The following ITGB6 variants were observed in gnomAD, a reference collection of about 807,000 sequenced individuals.
ITGB6 encodes integrin beta-6.
In ITGB6, 80 loss-of-function variants were observed where a neutral mutation model predicts 84.5. The observed-to-expected ratio is 0.95, with a 90% CI of 0.79 to 1.14. The LOEUF (loss-of-function observed/expected upper bound fraction) is 1.14. Among genes scored for constraint, ITGB6 ranks in the 50% most tolerant of loss-of-function variants. The probability of loss-of-function intolerance (pLI) is 0.00; values close to 1 mark genes in which losing one functional copy is unlikely to be tolerated. For synonymous variants in ITGB6, 383 were observed against 354.9 expected (o/e 1.08, Z -0.89); for missense variants, 1,006 against 968.0 (o/e 1.04, Z -0.52).
Position 160,172,690 on chromosome 2 carries a change from A to G in ITGB6, c.800T>C (p.Val267Ala). The change falls in exon 6 of 15, where the codon GTC (valine) becomes GCC (alanine). Residue 267 changes from valine (V) to alanine (A), a missense_variant. Transcript: ENST00000283249. Reference protein sequence around the residue: ...GWRNDSLHLLVFVSDADSHFG... With the variant: ...GWRNDSLHLLAFVSDADSHFG... ...ATGAGAATCAGCATCACTCACAAAGACCAGGAGGTGGAGGGAGTCATTCCG... is the reference window on the plus strand; with the variant it reads ...ATGAGAATCAGCATCACTCACAAAGGCCAGGAGGTGGAGGGAGTCATTCCG... The G allele has an allele frequency of 6.2e-7, 1 of 1,606,596 alleles. No homozygotes were observed. The highest frequency in any genetic ancestry group is 8.5e-7 in the Non-Finnish European group (1 of 1,173,596).
At chr2:160,154,922 G>A (rs1021066712) in intron 7 of ITGB6, among the ~76,000 whole-genome samples, 4 of 152,308 alleles carry the variant, frequency 2.6e-5, no homozygotes, top group Admixed American at 2.0e-4. Context: ...TGGAGAAGGG[G>A]CCTGGTTGGA....
chr2:160,154,319 A>G (rs546145526), intron 7 of ITGB6, among the ~76,000 whole-genome samples: 1 of 152,294 alleles, frequency 6.6e-6, no homozygotes, highest in East Asian at 1.9e-4. Context: ...CATTCTCAGC[A>G]AACTATCACA....
At chr2:160,133,379 C>T (rs1381116103) in intron 10 of ITGB6, among the ~76,000 whole-genome samples, 1 of 152,076 alleles carries the variant, frequency 6.6e-6, no homozygotes, top group Non-Finnish European at 1.5e-5. Context: ...TTTATACGCA[C>T]CCAGTACAGG....
chr2:160,109,828 TGA>T (rs1559084626), intron 13 of ITGB6, among the ~76,000 whole-genome samples: 2 of 152,204 alleles, frequency 1.3e-5, no homozygotes, highest in Non-Finnish European at 2.9e-5. Flanking sequence ...ATGTGCATAT[TGA>T]GTGCTTGAAA....
chr2:160,149,453 A>G (rs181578613), intron 7 of ITGB6, among the ~76,000 whole-genome samples: 18 of 152,370 alleles, frequency 1.2e-4, no homozygotes, highest in Non-Finnish European at 2.1e-4. Context: ...TCTGTAGGAC[A>G]CCAACATCAA....
intron 4 of ITGB6, among the ~76,000 whole-genome samples, chr2:160,186,981 G>T (rs888439187): frequency 4.6e-5 from 7 of 152,104 alleles, no homozygotes; most frequent in Admixed American, 2.0e-4. Context: ...GGGAGGCTAG[G>T]GGGAGGGATA....
chr2:160,102,355 T>A (rs1206603919), intron 14 of ITGB6, among the ~76,000 whole-genome samples: 1 of 152,144 alleles, frequency 6.6e-6, no homozygotes, highest in Non-Finnish European at 1.5e-5. Context: ...TAAGATGAAA[T>A]CAAAACTCAG....
chr2:160,140,627 T>G (rs1379574951), intron 8 of ITGB6, among the ~76,000 whole-genome samples: 1 of 152,180 alleles, frequency 6.6e-6, no homozygotes, highest in African/African-American at 2.4e-5. Context: ...GGAGGAAGGT[T>G]TTTATAGCGT....
At chr2:160,139,103 A>C (rs1408894469) in intron 8 of ITGB6, among the ~76,000 whole-genome samples, 1 of 152,190 alleles carries the variant, frequency 6.6e-6, no homozygotes, top group African/African-American at 2.4e-5. Flanking sequence ...TTCTTTCCTC[A>C]AGAAGTTTAT....
intron 13 of ITGB6, 96 bp downstream of exon 13, chr2:160,111,984 T>G: frequency 1.6e-6 from 2 of 1,268,616 alleles, no homozygotes; most frequent in Non-Finnish European, 2.2e-6. Flanking sequence ...TTTGGAAATG[T>G]CTTTCCTGGC....
chr2:160,124,252 G>A (rs541189317), intron 11 of ITGB6, among the ~76,000 whole-genome samples: 1 of 152,174 alleles, frequency 6.6e-6, no homozygotes, highest in African/African-American at 2.4e-5. Context: ...AATATGATTA[G>A]AGACTGGGAG....
chr2:160,113,931 C>G (rs1037571563), intron 12 of ITGB6, among the ~76,000 whole-genome samples: 1 of 152,096 alleles, frequency 6.6e-6, no homozygotes, highest in Non-Finnish European at 1.5e-5. Flanking sequence ...TGTTTTCTTG[C>G]TTCTTTCCCC....
intron 10 of ITGB6, among the ~76,000 whole-genome samples, chr2:160,136,744 A>C (rs375216773): frequency 2.6e-5 from 4 of 152,162 alleles, no homozygotes; most frequent in African/African-American, 7.2e-5. Flanking sequence ...AGTTCATGTC[A>C]TTTGTAGGGA....
intron 10 of ITGB6, among the ~76,000 whole-genome samples, chr2:160,132,986 G>A (rs983478337): frequency 1.3e-5 from 2 of 152,024 alleles, no homozygotes; most frequent in Non-Finnish European, 2.9e-5. Flanking sequence ...AAATATTTGT[G>A]GAATGAGTGA....
intron 12 of ITGB6, among the ~76,000 whole-genome samples, chr2:160,121,644 T>C (rs939769000): frequency 6.6e-6 from 1 of 151,680 alleles, no homozygotes; most frequent in East Asian, 1.9e-4. Context: ...AATTACACTG[T>C]GTAGGGTGGC....
rs1010824321 is a variant in ITGB6, at chr2:160,127,327, C to T, written c.1661-726G>A. Among the ~76,000 whole-genome samples the T allele has an allele frequency of 5.3e-5, 8 of 152,258 alleles. No individual in the cohort carries two copies. The East Asian group carries it at 5.8e-4, about 11-fold the overall frequency. ...TTCTCTCTGAAGCCTGCTACCTGGACGCTTCATCTGCATAATAAGAACCCT... is the reference window on the plus strand; with the variant it reads ...TTCTCTCTGAAGCCTGCTACCTGGATGCTTCATCTGCATAATAAGAACCCT... On this transcript the variant is annotated intron_variant, in intron 10 of 14. Coordinates refer to ENST00000283249, the MANE Select transcript of ITGB6 (RefSeq NM_000888.5).
At chr2:160,165,114 AG>A (rs1684956787) in intron 7 of ITGB6, among the ~76,000 whole-genome samples, 1 of 152,234 alleles carries the variant, frequency 6.6e-6, no homozygotes, top group Admixed American at 6.5e-5. Flanking sequence ...ATAATCCAGA[AG>A]TGGTCGTTTT....
intron 2 of ITGB6, among the ~76,000 whole-genome samples, chr2:160,197,671 G>C (rs1686396760): frequency 6.6e-6 from 1 of 152,160 alleles, no homozygotes; most frequent in Non-Finnish European, 1.5e-5. Context: ...CTATCAGTAG[G>C]CCTGTGCGTG....
chr2:160,191,053 T>A (rs1022339124), intron 4 of ITGB6, among the ~76,000 whole-genome samples: 6 of 152,198 alleles, frequency 3.9e-5, no homozygotes, highest in Admixed American at 3.9e-4. Context: ...TATTCAGGTA[T>A]AATATTCTCT....
Sources: allele counts gnomAD v4.1 joint callset (sites outside exome capture counted in the v4.1 genomes callset), GRCh38; gene constraint gnomAD v4.1.1; transcripts MANE v1.5; gene names NCBI Gene and HGNC (gene_info 2026-07-23, HGNC 2026-07-21).